KLHL36: variants seen among roughly 807,000 people sequenced by gnomAD.
KLHL36 encodes the protein kelch-like protein 36.
Under a neutral mutation model 53.3 loss-of-function variants are expected in KLHL36, and 35 were observed. The observed-to-expected ratio is 0.66, with a 90% CI of 0.50 to 0.87. The LOEUF is 0.87. KLHL36 is among the 40% of genes least tolerant of loss of function. KLHL36 has a pLI of 0.00. For missense variants in KLHL36, 864 were observed against 897.6 expected, an observed-to-expected ratio of 0.96 and a Z score of 0.48; for synonymous variants, 472 against 398.9, an observed-to-expected ratio of 1.18 and a Z score of -2.18.
chr16:84,665,928 C>T lies in KLHL36; in HGVS notation c.*3795C>T, dbSNP rs1052739010. ...GGTCCTCCATGGTGCAGCAGCATCT[C>T]ATGGGCCTTGTGGCTGTCAGAGCCC... On this transcript the variant is annotated 3_prime_UTR_variant, in exon 5 of 5. Coordinates refer to ENST00000564996, the MANE Select transcript of KLHL36 (RefSeq NM_024731.4). 2.6e-5 allele frequency: 4 copies of T among 152,322 alleles called. No homozygotes were observed. The highest frequency in any genetic ancestry group is 2.6e-4 in the Admixed American group (4 of 15,290). The allele number at this position is 152,322 out of a possible 1,614,324, so 9.4% of individuals were successfully genotyped here.
At chr16:84,650,412 A>C (rs535303998) in intron 1 of KLHL36, among the ~76,000 whole-genome samples, 1 of 152,280 alleles carries the variant, frequency 6.6e-6, no homozygotes, top group African/African-American at 2.4e-5. Context: ...CTTTGTGACC[A>C]TGAGATCAAT....
In KLHL36 at chr16:84,661,966, T is replaced by A. The variant is rs1907583948; in HGVS notation, c.1684T>A (p.Ser562Thr). 6.9e-6 allele frequency: 11 copies of A among 1,599,408 alleles called. No homozygotes were observed. Among genetic ancestry groups the A allele is most frequent in the Non-Finnish European group, 8.5e-6 (10 of 1,174,164 alleles). ...CTACAGCTGGGAGAACACTGCCTTC[T>A]CCAAGACCGTGCAGGTGTACGACCG... ...GGYSWENTAFSKTVQVYDREA... is the reference protein window; with the variant it reads ...GGYSWENTAFTKTVQVYDREA... The change falls in exon 5 of 5, where the codon TCC (serine) becomes ACC (threonine). Residue 562 changes from serine (S) to threonine (T), a missense_variant. Coordinates refer to ENST00000564996, the MANE Select transcript of KLHL36 (RefSeq NM_024731.4). The surrounding 1 kb of genome is among the most constrained non-coding windows in gnomAD (Gnocchi z 7.9).
At chr16:84,654,101 G>T (rs1907064145) in intron 2 of KLHL36, among the ~76,000 whole-genome samples, 1 of 152,140 alleles carries the variant, frequency 6.6e-6, no homozygotes, top group African/African-American at 2.4e-5. Flanking sequence ...TTTCCCTTTT[G>T]ACACTGCAGT....
chr16:84,653,354 G>T (rs1340743153), intron 2 of KLHL36, among the ~76,000 whole-genome samples: 1 of 152,128 alleles, frequency 6.6e-6, no homozygotes, highest in Non-Finnish European at 1.5e-5. Context: ...TCTGATTAAG[G>T]CACTGAAATA....
rs912330272 is a variant in KLHL36 at position 84,666,756 on chromosome 16, T to G, written c.*4623T>G. On this transcript the variant is annotated 3_prime_UTR_variant, in exon 5 of 5. Transcript: ENST00000564996. ...TGAACAGAATGTGTGGTTCTGAAGG[T>G]GTGTGGGGGTCTCAAGAAATTGTCC... 1 of 152,084 alleles carries G rather than the reference T, an allele frequency of 6.6e-6. No individual in the cohort carries two copies. The highest frequency in any genetic ancestry group is 1.9e-4 in the East Asian group (1 of 5,180). The allele number at this position is 152,084 out of a possible 1,614,324, so 9.4% of individuals were successfully genotyped here. A position where few individuals can be genotyped will look rare whatever the true frequency, so the allele number is the denominator to read the frequency against.
chr16:84,666,334 G>A lies in KLHL36; in HGVS notation c.*4201G>A, dbSNP rs949622873. 2 of 152,174 alleles carry A rather than the reference G, an allele frequency of 1.3e-5. No individual in the cohort carries two copies. The highest frequency in any genetic ancestry group is 4.8e-5 in the African/African-American group (2 of 41,418). The allele number at this position is 152,174 out of a possible 1,614,324, so 9.4% of individuals were successfully genotyped here. Reference sequence around the variant, plus strand: ...CTCATGTGGCTTTGTCTTGGATCTTGCCCTTCTCCATCGCTGATGTGATAC... The same window carrying A: ...CTCATGTGGCTTTGTCTTGGATCTTACCCTTCTCCATCGCTGATGTGATAC... On this transcript the variant is annotated 3_prime_UTR_variant, in exon 5 of 5. Transcript: ENST00000564996.
chr16:84,654,664 C>T (rs571277260), intron 2 of KLHL36, among the ~76,000 whole-genome samples: 16 of 151,988 alleles, frequency 1.1e-4, no homozygotes, highest in South Asian at 2.1e-4. Flanking sequence ...TCGTGTTGCC[C>T]AGGCTGGAGT....
chr16:84,658,041 C>A, intron 3 of KLHL36, 97 bp downstream of exon 3: 1 of 887,250 alleles, frequency 1.1e-6, no homozygotes, highest in Non-Finnish European at 1.7e-6. Context: ...GCCTTGACAA[C>A]TATCCTGCTT....
chr16:84,661,932 C>A lies in KLHL36; in HGVS notation c.1650C>A (p.Ile550=). Reference sequence around the variant, plus strand: ...CAGTGTGGGAGGGCCGCATCTACATCCTGGGCGGCTACAGCTGGGAGAACA... The same window carrying A: ...CAGTGTGGGAGGGCCGCATCTACATACTGGGCGGCTACAGCTGGGAGAACA... The part of the protein sequence containing the change: ...GVAVWEGRIY[I]LGGYSWENTA... Residue 550 remains isoleucine (I), a synonymous_variant, in exon 5 of 5, where the codon ATC becomes ATA. Coordinates refer to ENST00000564996, the MANE Select transcript of KLHL36 (RefSeq NM_024731.4). The surrounding 1 kb of genome is among the most constrained non-coding windows in gnomAD (Gnocchi z 7.9). The A allele has an allele frequency of 1.9e-6, 3 of 1,601,158 alleles. No homozygotes were observed. The highest frequency in any genetic ancestry group is 2.6e-6 in the Non-Finnish European group (3 of 1,173,624).
chr16:84,650,679 C>T (rs1204078902), intron 1 of KLHL36, among the ~76,000 whole-genome samples, 173 bp from the exon 2 acceptor site: 2 of 151,882 alleles, frequency 1.3e-5, no homozygotes, highest in East Asian at 3.9e-4. Flanking sequence ...TCTAACAACC[C>T]GATGATTTCT....
At chr16:84,651,858 C>T (rs1325641149) in intron 2 of KLHL36, among the ~76,000 whole-genome samples, 2 of 152,068 alleles carry the variant, frequency 1.3e-5, no homozygotes, top group Non-Finnish European at 2.9e-5. Flanking sequence ...TCTTAAAAGC[C>T]TTCTTGTGGG....
Position 84,657,117 on chromosome 16 carries a change from C to G in KLHL36, c.310C>G (p.Leu104Val). Residue 104 changes from leucine to valine, a missense_variant, in exon 3 of 5, where the codon CTG (leucine) becomes GTG (valine). Leu to Val is a conservative substitution (Grantham distance 32, BLOSUM62 1). Transcript: ENST00000564996. ...TGGGCTCAAGGCCGTGGTGGACTTCCTGTACGGCGGGGAGCTGGTGCTGGA... is the reference window on the plus strand; with the variant it reads ...TGGGCTCAAGGCCGTGGTGGACTTCGTGTACGGCGGGGAGCTGGTGCTGGA... The part of the protein sequence containing the change: ...YIGLKAVVDF[L>V]YGGELVLDGG... The G allele has an allele frequency of 1.9e-6, 3 of 1,614,226 alleles. No homozygotes were observed. Among genetic ancestry groups the G allele is most frequent in the Non-Finnish European group, 2.5e-6 (3 of 1,180,034 alleles).
intron 3 of KLHL36, 41 bp downstream of exon 3, chr16:84,657,985 C>A: frequency 7.1e-7 from 1 of 1,407,746 alleles, no homozygotes; most frequent in Non-Finnish European, 9.5e-7. Context: ...CTTGAGGACT[C>A]TCTCGGTTTC....
In KLHL36 at chr16:84,657,549, C is replaced by A. The variant is rs747863053; in HGVS notation, c.742C>A (p.Arg248Ser). 2 of 1,610,400 alleles carry A rather than the reference C, an allele frequency of 1.2e-6. No homozygotes were observed. Among genetic ancestry groups the A allele is most frequent in the East Asian group, 4.5e-5 (2 of 44,856 alleles). Residue 248 changes from arginine (R) to serine (S), a missense_variant, in exon 3 of 5, where the codon CGC (arginine) becomes AGC (serine). Arg to Ser is a moderately radical substitution (Grantham distance 110). Coordinates refer to ENST00000564996, the MANE Select transcript of KLHL36 (RefSeq NM_024731.4). ...CATCCCCAAGAACGACCTGCTGCAC[C>A]GCGTCAAGCCGGCCGTGTGCTCGCT... The part of the protein sequence containing the change: ...PLIPKNDLLH[R>S]VKPAVCSLLP...
Position 84,663,802 on chromosome 16 carries a change from T to C in KLHL36, c.*1669T>C, listed in dbSNP as rs1907692178. 1 of 152,294 alleles carries C rather than the reference T, an allele frequency of 6.6e-6. No homozygotes were observed. Among genetic ancestry groups the C allele is most frequent in the African/African-American group, 2.4e-5 (1 of 41,468 alleles). The allele number at this position is 152,294 out of a possible 1,614,324, so 9.4% of individuals were successfully genotyped here. On this transcript the variant is annotated 3_prime_UTR_variant, in exon 5 of 5. Coordinates refer to ENST00000564996, the MANE Select transcript of KLHL36 (RefSeq NM_024731.4). Reference sequence around the variant, plus strand: ...TTCCCTTCAGGGTTTACTGTGGTTCTCACTGGTCTGTTTATGTAGCCATCC... The same window carrying C: ...TTCCCTTCAGGGTTTACTGTGGTTCCCACTGGTCTGTTTATGTAGCCATCC...
chr16:84,659,815 T>C lies in KLHL36; in HGVS notation c.1193T>C (p.Met398Thr), dbSNP rs1459432692. The C allele has an allele frequency of 6.2e-7, 1 of 1,614,144 alleles. No homozygotes were observed. The highest frequency in any genetic ancestry group is 8.5e-7 in the Non-Finnish European group (1 of 1,180,022). ...VDFYLASIEDMLVAIGGRNEN... is the reference protein window; with the variant it reads ...VDFYLASIEDTLVAIGGRNEN... Reference sequence around the variant, plus strand: ...TTCTACCTTGCCTCCATCGAAGACATGCTGGTGGCCATCGGCGGCCGGAAT... The same window carrying C: ...TTCTACCTTGCCTCCATCGAAGACACGCTGGTGGCCATCGGCGGCCGGAAT... Residue 398 changes from methionine (M) to threonine (T), a missense_variant, in exon 4 of 5, where the codon ATG (methionine) becomes ACG (threonine). Coordinates refer to ENST00000564996, the MANE Select transcript of KLHL36 (RefSeq NM_024731.4).
Position 84,665,414 on chromosome 16 carries a change from T to C in KLHL36, c.*3281T>C, listed in dbSNP as rs1430786702. On this transcript the variant is annotated 3_prime_UTR_variant, in exon 5 of 5. Coordinates refer to ENST00000564996, the MANE Select transcript of KLHL36 (RefSeq NM_024731.4). The stretch of plus-strand genomic sequence containing the variant: ...GTTTGCTTAAGACATAGATGTATTA[T>C]AATAATAGAAGGGAGGGAGTAGAAA... 1 of 152,218 alleles carries C rather than the reference T, an allele frequency of 6.6e-6. No homozygotes were observed. Among genetic ancestry groups the C allele is most frequent in the African/African-American group, 2.4e-5 (1 of 41,456 alleles). The allele number at this position is 152,218 out of a possible 1,614,324, so 9.4% of individuals were successfully genotyped here. A position where few individuals can be genotyped will look rare whatever the true frequency, so the allele number is the denominator to read the frequency against.
At position 84,657,550 on chromosome 16, in the gene KLHL36, G is replaced by A. The variant is rs773009543; in HGVS notation, c.743G>A (p.Arg248His). ...ATCCCCAAGAACGACCTGCTGCACCGCGTCAAGCCGGCCGTGTGCTCGCTG... is the reference window on the plus strand; with the variant it reads ...ATCCCCAAGAACGACCTGCTGCACCACGTCAAGCCGGCCGTGTGCTCGCTG... The part of the protein sequence containing the change: ...PLIPKNDLLH[R>H]VKPAVCSLLP... The change falls in exon 3 of 5, where the codon CGC (arginine) becomes CAC (histidine). Residue 248 changes from arginine to histidine, a missense_variant. By Grantham distance (29) the Arg-to-His change is conservative. Transcript: ENST00000564996. 41 of 1,610,314 alleles carry A rather than the reference G, an allele frequency of 2.5e-5. 1 individual carries two copies. The highest frequency in any genetic ancestry group is 4.5e-5 in the East Asian group (2 of 44,870).
In KLHL36 at chr16:84,651,045, C is replaced by T. The variant is rs557287639; in HGVS notation, c.63+115C>T. The T allele has an allele frequency of 8.6e-6, 7 of 817,138 alleles. No individual in the cohort carries two copies. The East Asian group carries it at 1.9e-4, about 22-fold the overall frequency. 50.6% of individuals were successfully genotyped at this position (817,138 alleles called of 1,614,324 possible). The stretch of plus-strand genomic sequence containing the variant: ...TTTTTGTCATTGGTGTTGTCAGTCT[C>T]CTTAATGACAAGTAAAGGTGGAAAC... On this transcript the variant is annotated intron_variant, in intron 2 of 4. Transcript: ENST00000564996.
Sources: gnomAD v4.1 joint callset for allele counts (sites outside exome capture counted in the v4.1 genomes callset) on GRCh38, gnomAD v4.1.1 for gene constraint, Gnocchi (gnomAD v3.1) non-coding constraint, MANE v1.5 for transcripts, NCBI Gene and HGNC (gene_info 2026-07-23, HGNC 2026-07-21) for gene names.